Variants in PREX1 observed in about 807,000 individuals in gnomAD.
PREX1 encodes the protein phosphatidylinositol-3,4,5-trisphosphate dependent Rac exchange factor 1.
PREX1 carries 41 observed loss-of-function variants against 198.3 expected under a neutral mutation model. The observed-to-expected ratio is 0.21, with a 90% CI of 0.16 to 0.27. The LOEUF (loss-of-function observed/expected upper bound fraction) is 0.27, where lower values mean the gene tolerates loss of function less well. Ranked by LOEUF, PREX1 falls within the 10% of genes least tolerant of loss-of-function variation. The pLI, the probability that PREX1 is intolerant of heterozygous loss-of-function variation, is 1.00. For missense variants in PREX1, 1,620 were observed against 2,200.7 expected (o/e 0.74, Z 5.28); for synonymous variants, 843 against 887.2 (o/e 0.95, Z 0.89).
At chr20:48,790,585 A>T (rs1291279068) in intron 1 of PREX1, among the ~76,000 whole-genome samples, 1 of 152,206 alleles carries the variant, frequency 6.6e-6, no homozygotes, top group African/African-American at 2.4e-5. Flanking sequence ...TGCATGCTTC[A>T]GCTTTTCTTA....
chr20:48,629,376 C>T, intron 37 of PREX1, 73 bp downstream of exon 37: 9 of 1,552,244 alleles, frequency 5.8e-6, no homozygotes, highest in Non-Finnish European at 7.9e-6. Context: ...TGCCTCCTTG[C>T]CACAGGACCC....
At position 48,681,238 on chromosome 20, in the gene PREX1, G is replaced by A; in HGVS notation, c.1432C>T (p.His478Tyr). 6.2e-7 allele frequency: 1 copy of A among 1,613,790 alleles called. No homozygotes were observed. Among genetic ancestry groups the A allele is most frequent in the Non-Finnish European group, 8.5e-7 (1 of 1,179,838 alleles). The part of the protein sequence containing the change: ...QALLENGIIH[H>Y]VSDKHQFKNE... ...CTGGGCCCAGCCCTCCACTCACCAT[G>A]GTGGATGATGCCATTCTCCAACAGG... The change falls in exon 11 of 40, where the codon CAT becomes TAT. Residue 478 changes from histidine (H) to tyrosine (Y), a missense_variant. Physicochemically the swap from His to Tyr is moderately conservative, Grantham distance 83. This residue lies in a region of PREX1 where 488 missense variants were observed against 802.5 expected (regional missense o/e 0.61). Transcript: ENST00000371941.
chr20:48,787,246 G>T (rs549282537), intron 1 of PREX1, among the ~76,000 whole-genome samples: 1 of 152,052 alleles, frequency 6.6e-6, no homozygotes, highest in African/African-American at 2.4e-5. Flanking sequence ...CCTGACACTC[G>T]TGTCTGCTTC....
intron 16 of PREX1, among the ~76,000 whole-genome samples, chr20:48,659,096 G>A (rs535358295): frequency 4.1e-4 from 61 of 150,346 alleles, no homozygotes; most frequent in Non-Finnish European, 7.7e-4. Context: ...GGGTGTGGTG[G>A]CGCAGGTCTG....
intron 7 of PREX1, among the ~76,000 whole-genome samples, chr20:48,694,491 T>C (rs753081207): frequency 5.9e-5 from 9 of 152,144 alleles, no homozygotes. Flanking sequence ...ACAGAGACAG[T>C]CCCTAAGCAA....
At chr20:48,714,912 G>T (rs2089954843) in intron 5 of PREX1, among the ~76,000 whole-genome samples, 1 of 152,186 alleles carries the variant, frequency 6.6e-6, no homozygotes, top group South Asian at 2.1e-4. Context: ...GCTGGTCTCA[G>T]ACAGGCATAA....
intron 14 of PREX1, among the ~76,000 whole-genome samples, chr20:48,669,868 G>A (rs552627931): frequency 6.6e-6 from 1 of 152,294 alleles, no homozygotes; most frequent in East Asian, 1.9e-4. Flanking sequence ...TGGAGAGACG[G>A]AGTAATGGGG....
intron 1 of PREX1, among the ~76,000 whole-genome samples, chr20:48,770,987 A>C (rs1162950612): frequency 6.6e-6 from 1 of 152,164 alleles, no homozygotes; most frequent in Non-Finnish European, 1.5e-5. Context: ...CAGGTTTAGA[A>C]GGTGCTGGTT....
At chr20:48,838,993 C>CAAAA in the PREX1 span, among the ~76,000 whole-genome samples, 63 of 23,036 alleles carry the variant, frequency 2.7e-3, 8 homozygotes, top group African/African-American at 8.8e-3. Context: ...GACTCTGTCT[C>CAAAA]AAAAAAAAAA....
intron 1 of PREX1, among the ~76,000 whole-genome samples, chr20:48,791,758 A>C (rs2090339880): frequency 6.6e-6 from 1 of 152,240 alleles, no homozygotes; most frequent in Non-Finnish European, 1.5e-5. Context: ...CTGGCAACCC[A>C]CAGGTTTGGC....
intron 26 of PREX1, 55 bp from the exon 27 acceptor site, chr20:48,644,552 C>A: frequency 6.6e-7 from 1 of 1,526,326 alleles, no homozygotes; most frequent in South Asian, 1.2e-5. Context: ...GCCATCTGGT[C>A]CTGGCACCCA....
At chr20:48,787,566 T>C (rs2090318969) in intron 1 of PREX1, among the ~76,000 whole-genome samples, 1 of 150,454 alleles carries the variant, frequency 6.6e-6, no homozygotes, top group Non-Finnish European at 1.5e-5. Flanking sequence ...TATGGATTTA[T>C]GTAAGCAGGA....
At chr20:48,739,628 G>C (rs117719728) in intron 3 of PREX1, among the ~76,000 whole-genome samples, 1 of 152,152 alleles carries the variant, frequency 6.6e-6, no homozygotes, top group South Asian at 2.1e-4. Context: ...CCTACGAGCC[G>C]CGTGGCAGCA....
chr20:48,718,300 TA>T (rs1424344558), intron 5 of PREX1, among the ~76,000 whole-genome samples: 1 of 151,832 alleles, frequency 6.6e-6, no homozygotes, highest in African/African-American at 2.4e-5. Context: ...GAGAAAAGGG[TA>T]AAATGGTGAG....
chr20:48,749,163 C>T (rs1049521758), intron 1 of PREX1, among the ~76,000 whole-genome samples: 3 of 152,154 alleles, frequency 2.0e-5, no homozygotes, highest in African/African-American at 7.2e-5. Context: ...CCCACAGCCA[C>T]CTCCGCCTGG....
At position 48,686,944 on chromosome 20, in the gene PREX1, G is replaced by A. The variant is rs117405843; in HGVS notation, c.1334+1713C>T. On this transcript the variant is annotated intron_variant, in intron 10 of 39. Transcript: ENST00000371941. ...GTCTATCAGCATTTCAGCCTCCACC[G>A]GGCTCCTGCTCCTTCCCAGGGACCT... 2.9e-3 allele frequency among the ~76,000 whole-genome samples: 449 copies of A among 152,214 alleles called. 10 individuals carry two copies. In the East Asian group the frequency reaches 0.061, roughly 21 times the overall value.
chr20:48,708,516 C>T lies in PREX1; in HGVS notation c.622-95G>A. 3.7e-6 allele frequency: 5 copies of T among 1,344,276 alleles called. No individual in the cohort carries two copies. The South Asian group carries it at 6.5e-5, about 18-fold the overall frequency. 83.3% of individuals were successfully genotyped at this position (1,344,276 alleles called of 1,614,324 possible). A position where few individuals can be genotyped will look rare whatever the true frequency, so the allele number is the denominator to read the frequency against. On this transcript the variant is annotated intron_variant, in intron 5 of 39. Transcript: ENST00000371941. ...CTGAACCCAAGAAAACAGACAAAAACTCCTCGCCTGGTGGACATTACATTC... is the reference window on the plus strand; with the variant it reads ...CTGAACCCAAGAAAACAGACAAAAATTCCTCGCCTGGTGGACATTACATTC...
intron 5 of PREX1, among the ~76,000 whole-genome samples, chr20:48,714,345 G>A (rs2089951964): frequency 6.6e-6 from 1 of 152,136 alleles, no homozygotes; most frequent in Non-Finnish European, 1.5e-5. Context: ...GCCTAATGAG[G>A]AAAATAGTAT....
At chr20:48,850,355 G>A in the PREX1 span, among the ~76,000 whole-genome samples, 1 of 152,184 alleles carries the variant, frequency 6.6e-6, no homozygotes, top group Admixed American at 6.5e-5. Flanking sequence ...CCAGAAGCCA[G>A]GGCTGGTAAA....
Sources: allele counts gnomAD v4.1 joint callset (sites outside exome capture counted in the v4.1 genomes callset), GRCh38; gene constraint gnomAD v4.1.1; regional missense constraint gnomAD v4.1.1; transcripts MANE v1.5; gene names NCBI Gene and HGNC (gene_info 2026-07-23, HGNC 2026-07-21).